Variants in PCYOX1L observed in about 807,000 individuals in gnomAD.
PCYOX1L encodes prenylcysteine oxidase 1 like, also known as prenylcysteine oxidase 1-like.
A neutral mutation model predicts 44.1 loss-of-function variants in PCYOX1L; 40 were observed. The ratio of observed to expected loss-of-function variants is 0.91; its 90% CI spans 0.70 to 1.18. The LOEUF is 1.18. Among genes scored for constraint, PCYOX1L ranks in the 50% most tolerant of loss-of-function variants. The pLI is 0.00. For missense variants in PCYOX1L, 605 were observed against 653.3 expected (o/e 0.93, Z 0.81); for synonymous variants, 266 against 282.8 (o/e 0.94, Z 0.60).
chr5:149,359,047 T>C (rs1757934870), intron 1 of PCYOX1L, among the ~76,000 whole-genome samples: 1 of 152,222 alleles, frequency 6.6e-6, no homozygotes, highest in Admixed American at 6.5e-5. Flanking sequence ...GAGTGTCATA[T>C]GTGTTTACAG....
rs965832401 is a variant in PCYOX1L, at chr5:149,368,530, G to T, written c.1361G>T (p.Ser454Ile). The T allele has an allele frequency of 1.2e-6, 2 of 1,609,364 alleles. No individual in the cohort carries two copies. The highest frequency in any genetic ancestry group is 1.3e-5 in the African/African-American group (1 of 74,808). The change falls in exon 6 of 6, where the codon AGC (serine) becomes ATC (isoleucine). Residue 454 changes from serine to isoleucine, a missense_variant. Physicochemically the swap from Ser to Ile is moderately radical, Grantham distance 142 (BLOSUM62 -2). Transcript: ENST00000274569. Reference sequence around the variant, plus strand: ...CTCAATGCCCTGGAGTGGGCGGCCAGCTCCGTGGAGGTGATGGCCGTGGCT... The same window carrying T: ...CTCAATGCCCTGGAGTGGGCGGCCATCTCCGTGGAGGTGATGGCCGTGGCT... ...FYLNALEWAASSVEVMAVAAK... is the reference protein window; with the variant it reads ...FYLNALEWAAISVEVMAVAAK...
intron 3 of PCYOX1L, chr5:149,365,191 A>G (rs771120512): frequency 3.3e-5 from 5 of 152,332 alleles, no homozygotes; most frequent in African/African-American, 7.2e-5. Context: ...AATTATATCC[A>G]GACCAATAAT....
At position 149,360,683 on chromosome 5, in the gene PCYOX1L, T is replaced by G. The variant is rs191475479; in HGVS notation, c.89-1954T>G. ...CAAGTTATAGGTGACATCTGAGGGC[T>G]GTTGAAGCCAGTGAGACACAGGGTG... On this transcript the variant is annotated intron_variant, in intron 1 of 5. Transcript: ENST00000274569. Among the ~76,000 whole-genome samples, 18 of 152,290 alleles carry G rather than the reference T, an allele frequency of 1.2e-4. No homozygotes were observed. In the East Asian group the frequency reaches 3.5e-3, roughly 29 times the overall value.
intron 2 of PCYOX1L, chr5:149,363,497 A>C: frequency 4.4e-6 from 1 of 226,662 alleles, no homozygotes; most frequent in Non-Finnish European, 8.9e-6. Context: ...TAACTACACA[A>C]TAGGCTGTTC....
rs768222556 is a variant in PCYOX1L, at chr5:149,368,505, C to T, written c.1336C>T (p.Leu446Phe). Residue 446 changes from leucine to phenylalanine, a missense_variant, in exon 6 of 6, where the codon CTC (leucine) becomes TTC (phenylalanine). Coordinates refer to ENST00000274569, the MANE Select transcript of PCYOX1L (RefSeq NM_024028.4). ...TGCACTCCATGACCAGCTCTTCTAC[C>T]TCAATGCCCTGGAGTGGGCGGCCAG... ...RFALHDQLFY[L>F]NALEWAASSV... is the part of the protein sequence containing the mutation. 2 of 1,612,226 alleles carry T rather than the reference C, an allele frequency of 1.2e-6. No individual in the cohort carries two copies. The highest frequency in any genetic ancestry group is 2.2e-5 in the East Asian group (1 of 44,874).
Position 149,368,925 on chromosome 5 carries a change from T to G in PCYOX1L, c.*271T>G. ...TTTTTAAGAAGAAAAAAGTTCATCT[T>G]CACAAGGTGCTTCAGACTTGGTTTC... On this transcript the variant is annotated 3_prime_UTR_variant, in exon 6 of 6. Transcript: ENST00000274569. 3.4e-6 allele frequency: 1 copy of G among 297,258 alleles called. No individual in the cohort carries two copies. The highest frequency in any genetic ancestry group is 6.1e-6 in the Non-Finnish European group (1 of 162,948). 18.4% of individuals were successfully genotyped at this position (297,258 alleles called of 1,614,324 possible).
chr5:149,367,876 C>A, intron 5 of PCYOX1L, 117 bp from the exon 6 acceptor site: 1 of 1,127,938 alleles, frequency 8.9e-7, no homozygotes, highest in Non-Finnish European at 1.3e-6. Context: ...ACCATTTAGA[C>A]AGCCCTGCTG....
At chr5:149,362,982 CAAGA>C in intron 2 of PCYOX1L, 139 bp downstream of exon 2, 1 of 998,070 alleles carries the variant, frequency 1.0e-6, no homozygotes, top group Non-Finnish European at 1.5e-6. Flanking sequence ...GCAACAGAAA[CAAGA>C]GAGGGGAAGG....
rs943132415 is a variant in PCYOX1L at position 149,358,068 on chromosome 5, C to T, written c.-1C>T. ...GGCGTGCTGCCCGCTCGCCGCCCGC[C>T]ATGGCCCGCGCAGCCCCGCTGCTCG... On this transcript the variant is annotated 5_prime_UTR_variant, in exon 1 of 6. Transcript: ENST00000274569. 2.2e-6 allele frequency: 3 copies of T among 1,375,052 alleles called. No individual in the cohort carries two copies. The highest frequency in any genetic ancestry group is 3.1e-5 in the East Asian group (1 of 32,110). The allele number at this position is 1,375,052 out of a possible 1,614,324, so 85.2% of individuals were successfully genotyped here.
At chr5:149,366,877 A>G (rs1307557922) in intron 4 of PCYOX1L, among the ~76,000 whole-genome samples, 1 of 152,120 alleles carries the variant, frequency 6.6e-6, no homozygotes, top group Non-Finnish European at 1.5e-5. Context: ...ATTTTTGTGT[A>G]GAGATATATA....
chr5:149,358,824 A>G (rs950957064), intron 1 of PCYOX1L, among the ~76,000 whole-genome samples: 10 of 152,176 alleles, frequency 6.6e-5, no homozygotes, highest in African/African-American at 2.4e-4. Context: ...TATTTTGAAA[A>G]TGTTCAGATG....
chr5:149,366,572 A>G (rs1004540358), intron 4 of PCYOX1L, among the ~76,000 whole-genome samples: 12 of 152,168 alleles, frequency 7.9e-5, no homozygotes, highest in African/African-American at 2.9e-4. Context: ...ACTGTCTGCT[A>G]GCACAGACCA....
Position 149,362,850 on chromosome 5 carries a change from GGTCA to G in PCYOX1L, c.295+11_295+14del, listed in dbSNP as rs760580432. 12 of 1,613,258 alleles carry G rather than the reference GGTCA, an allele frequency of 7.4e-6. No homozygotes were observed. The highest frequency in any genetic ancestry group is 9.3e-6 in the Non-Finnish European group (11 of 1,180,030). On this transcript the variant is annotated splice_region_variant and intron_variant, in intron 2 of 5. Coordinates refer to ENST00000274569, the MANE Select transcript of PCYOX1L (RefSeq NM_024028.4). ...GACTTCGTCAAGCTGCTGGGTGAGT[GGTCA>G]GTCCTGGGGCTCCAGTGCCCAGCGC...
intron 2 of PCYOX1L, chr5:149,363,080 T>G: frequency 3.0e-6 from 2 of 662,580 alleles, no homozygotes; most frequent in Non-Finnish European, 5.5e-6. Flanking sequence ...TTCTTTCCCT[T>G]TCAATTTGCT....
intron 1 of PCYOX1L, chr5:149,362,426 A>C: frequency 1.8e-6 from 1 of 556,170 alleles, no homozygotes; most frequent in Non-Finnish European, 3.2e-6. Flanking sequence ...ATGAAACGAA[A>C]GTATAGTAGG....
rs1758347828 is a variant in PCYOX1L at position 149,369,419 on chromosome 5, A to G, written c.*765A>G. The G allele has an allele frequency of 6.6e-6, 1 of 152,216 alleles. No homozygotes were observed. The highest frequency in any genetic ancestry group is 2.1e-4 in the South Asian group (1 of 4,836). The allele number at this position is 152,216 out of a possible 1,614,324, so 9.4% of individuals were successfully genotyped here. ...TTATGCAAAGATTGAGGAATGCAAC[A>G]ATATAAAGAAGAGAAGTCCCCAGAT... is the stretch of plus-strand genomic sequence containing the variant. On this transcript the variant is annotated 3_prime_UTR_variant, in exon 6 of 6. Transcript: ENST00000274569.
intron 1 of PCYOX1L, among the ~76,000 whole-genome samples, chr5:149,358,376 G>A (rs1021201800): frequency 1.3e-5 from 2 of 152,244 alleles, no homozygotes; most frequent in Non-Finnish European, 2.9e-5. Flanking sequence ...CGGAAAAGAG[G>A]CCTGGGCAGG....
At chr5:149,363,999 T>C (rs1242230280) in intron 2 of PCYOX1L, 37 bp from the exon 3 acceptor site, 1 of 1,607,622 alleles carries the variant, frequency 6.2e-7, no homozygotes, top group Admixed American at 1.7e-5. Context: ...CCCCAAGTCT[T>C]GGAGGGGACC....
At chr5:149,363,485 T>C (rs1460852285) in intron 2 of PCYOX1L, 4 of 232,032 alleles carry the variant, frequency 1.7e-5, no homozygotes, top group Middle Eastern at 1.7e-3. Context: ...CAAATTATTG[T>C]ATAACTACAC....
Sources: allele counts gnomAD v4.1 joint callset (sites outside exome capture counted in the v4.1 genomes callset), GRCh38; gene constraint gnomAD v4.1.1; transcripts MANE v1.5; gene names NCBI Gene and HGNC (gene_info 2026-07-23, HGNC 2026-07-21).